ABCC5: variants seen among roughly 807,000 people sequenced by gnomAD.
ABCC5 encodes ATP binding cassette subfamily C member 5.
Under a neutral mutation model 160.9 loss-of-function variants are expected in ABCC5, and 61 were observed. The ratio of observed to expected loss-of-function variants is 0.38; its 90% CI spans 0.31 to 0.47. The LOEUF (loss-of-function observed/expected upper bound fraction) is 0.47, where lower values mean the gene tolerates loss of function less well. ABCC5 is among the 20% of genes least tolerant of loss of function. ABCC5 has a pLI of 0.99. For synonymous variants in ABCC5, 666 were observed against 700.6 expected (o/e 0.95, Z 0.78); for missense variants, 1,308 against 1,813.3 (o/e 0.72, Z 5.06).
At position 183,988,094 on chromosome 3, in the gene ABCC5, A is replaced by G. The variant is rs1719393815; in HGVS notation, c.444-177T>C. 6.6e-6 allele frequency among the ~76,000 whole-genome samples: 1 copy of G among 152,124 alleles called. No individual in the cohort carries two copies. The highest frequency in any genetic ancestry group is 2.4e-5 in the African/African-American group (1 of 41,404). ...AAAAATACCCTTCCTAGGGAACTAC[A>G]CATTTACCCTGTATAAGGAGCCTCC... is the stretch of plus-strand genomic sequence containing the variant. On this transcript the variant is annotated intron_variant, in intron 4 of 29. Coordinates refer to ENST00000334444, the MANE Select transcript of ABCC5 (RefSeq NM_005688.4). The surrounding 1 kb of genome is among the most constrained non-coding windows in gnomAD (Gnocchi z 4.4).
intron 8 of ABCC5, among the ~76,000 whole-genome samples, chr3:183,980,713 TG>T (rs1254744722): frequency 3.0e-5 from 4 of 131,772 alleles, no homozygotes; most frequent in Admixed American, 7.4e-5. Flanking sequence ...AACACTGTTT[TG>T]TTTTTTTTTT....
rs755140186 is a variant in ABCC5 at position 183,971,826 on chromosome 3, C to T, written c.1498G>A (p.Asp500Asn). ...TTCTGGATACTGGAGTGGGAGGAGTCCCATGCCAAGGTGGCATTTTTCATC... is the reference window on the plus strand; with the variant it reads ...TTCTGGATACTGGAGTGGGAGGAGTTCCATGCCAAGGTGGCATTTTTCATC... The part of the protein sequence containing the change: ...IEMKNATLAW[D>N]SSHSSIQNSP... Residue 500 changes from aspartate to asparagine, a missense_variant, in exon 11 of 30, where the codon GAC becomes AAC. Around this residue, in one of 3 missense-constraint regions of ABCC5, gnomAD observed 1,142 missense variants for 1,527.1 expected, o/e 0.75. Coordinates refer to ENST00000334444, the MANE Select transcript of ABCC5 (RefSeq NM_005688.4). 12 of 1,614,104 alleles carry T rather than the reference C, an allele frequency of 7.4e-6. No individual in the cohort carries two copies. Among genetic ancestry groups the T allele is most frequent in the Non-Finnish European group, 2.5e-6 (3 of 1,180,024 alleles).
chr3:183,923,420 C>T (rs1262094294), intron 29 of ABCC5, among the ~76,000 whole-genome samples: 9 of 152,012 alleles, frequency 5.9e-5, no homozygotes, highest in Non-Finnish European at 1.2e-4. Context: ...GTCAGAAGTT[C>T]GAGACCAGCC....
chr3:184,007,016 C>CTTTTTTTTT (rs376229755), intron 2 of ABCC5, among the ~76,000 whole-genome samples: 6 of 81,138 alleles, frequency 7.4e-5, no homozygotes, highest in Non-Finnish European at 8.8e-5. Flanking sequence ...TTTACTTCTG[C>CTTTTTTTTT]TTTTTTTTTT....
chr3:183,946,730 C>T (rs1177710821), intron 23 of ABCC5, among the ~76,000 whole-genome samples: 2 of 152,034 alleles, frequency 1.3e-5, no homozygotes, highest in African/African-American at 4.8e-5. Flanking sequence ...CAGCTTGTAC[C>T]TCTCTAAAAT....
chr3:184,013,983 G>A (rs1165016338), intron 2 of ABCC5, among the ~76,000 whole-genome samples: 1 of 151,988 alleles, frequency 6.6e-6, no homozygotes, highest in Non-Finnish European at 1.5e-5. Flanking sequence ...AGCGATTCTC[G>A]TGCCTCAGCC....
rs1233269112 is a variant in ABCC5, at chr3:183,922,360, CG to C, written c.4213-960del. On this transcript the variant is annotated intron_variant, in intron 29 of 29. Transcript: ENST00000334444. ...GCACTCCCAGCCTGGGCAACAAGAG[CG>C]AAACTCCGTCTCAAAAAAATAAATA... 4.0e-5 allele frequency among the ~76,000 whole-genome samples: 5 copies of C among 124,124 alleles called. No homozygotes were observed. The South Asian group carries it at 1.3e-3, about 33-fold the overall frequency. The allele number at this position is 124,124 out of a possible 152,430, so 81.4% of individuals were successfully genotyped here.
At chr3:183,929,913 C>T (rs116234897) in intron 26 of ABCC5, among the ~76,000 whole-genome samples, 5,655 of 152,152 alleles carry the variant, frequency 0.037, 346 homozygotes, top group African/African-American at 0.13. Flanking sequence ...CCACTGTGCC[C>T]GGCCAGGACT....
intron 2 of ABCC5, among the ~76,000 whole-genome samples, chr3:184,003,103 C>T (rs143002271): frequency 1.6e-3 from 244 of 152,240 alleles, no homozygotes; most frequent in African/African-American, 5.7e-3. Context: ...ACCATTTCTA[C>T]AGATGTCCCA....
intron 25 of ABCC5, among the ~76,000 whole-genome samples, chr3:183,938,508 A>G (rs569250466): frequency 2.0e-5 from 3 of 152,274 alleles, no homozygotes; most frequent in African/African-American, 7.2e-5. Context: ...CATATTGGCC[A>G]GGTTGGTCTC....
intron 5 of ABCC5, chr3:183,985,598 C>T: frequency 3.1e-6 from 2 of 637,074 alleles, no homozygotes; most frequent in South Asian, 3.1e-5. Context: ...TGCAGATCTA[C>T]AGTGCGATGC....
chr3:183,994,673 C>T (rs1720102680), intron 2 of ABCC5, among the ~76,000 whole-genome samples: 1 of 152,040 alleles, frequency 6.6e-6, no homozygotes, highest in African/African-American at 2.4e-5. Flanking sequence ...CGCACCTGGC[C>T]AGTATTGGCA....
intron 17 of ABCC5, among the ~76,000 whole-genome samples, chr3:183,955,783 C>G (rs1715838329): frequency 7.0e-6 from 1 of 142,824 alleles, no homozygotes; most frequent in South Asian, 2.2e-4. Context: ...TATATTACAT[C>G]TGTTACATGC....
intron 2 of ABCC5, among the ~76,000 whole-genome samples, chr3:183,990,653 T>C (rs981165365): frequency 4.6e-5 from 7 of 152,138 alleles, no homozygotes; most frequent in African/African-American, 7.2e-5. Context: ...TGAGTTCTTA[T>C]CCTGGCTGCA....
In ABCC5 at chr3:183,981,631, T is replaced by C. The variant is rs182131967; in HGVS notation, c.1147+96A>G. ...CTACGATACTAGACACTAGTCCTAG[T>C]ACGTAATGTGCTCAGAAAGCAAAGT... On this transcript the variant is annotated intron_variant, in intron 8 of 29. Transcript: ENST00000334444. 7.1e-5 allele frequency: 94 copies of C among 1,319,742 alleles called. No individual in the cohort carries two copies. In the African/African-American group the frequency reaches 1.3e-3, roughly 18 times the overall value. 81.8% of individuals were successfully genotyped at this position (1,319,742 alleles called of 1,614,324 possible). A position where few individuals can be genotyped will look rare whatever the true frequency, so the allele number is the denominator to read the frequency against.
intron 2 of ABCC5, among the ~76,000 whole-genome samples, chr3:184,001,692 T>C (rs1048260844): frequency 2.0e-5 from 3 of 152,240 alleles, no homozygotes; most frequent in Non-Finnish European, 2.9e-5. Flanking sequence ...TAACCCTAGA[T>C]AGCTGAAGAG....
rs1298871336 is a variant in ABCC5 at position 183,963,797 on chromosome 3, A to C, written c.2032-209T>G. On this transcript the variant is annotated intron_variant, in intron 14 of 29. Transcript: ENST00000334444. The surrounding 1 kb of genome is among the most constrained non-coding windows in gnomAD (Gnocchi z 4.6). ...AGTTGGCCCAGATGCCTCTTCCTCT[A>C]CCACTGCCATCTGGGTACCGATCAA... 6.6e-6 allele frequency among the ~76,000 whole-genome samples: 1 copy of C among 152,138 alleles called. No individual in the cohort carries two copies. Among genetic ancestry groups the C allele is most frequent in the Non-Finnish European group, 1.5e-5 (1 of 68,024 alleles).
rs745883431 is a variant in ABCC5, at chr3:183,949,736, C to T, written c.3227+17G>A. 1.5e-5 allele frequency: 24 copies of T among 1,613,522 alleles called. No individual in the cohort carries two copies. The highest frequency in any genetic ancestry group is 1.7e-5 in the Non-Finnish European group (20 of 1,179,814). On this transcript the variant is annotated intron_variant, in intron 22 of 29. Transcript: ENST00000334444. The surrounding 1 kb of genome is among the most constrained non-coding windows in gnomAD (Gnocchi z 4.2). ...GCTGACTCCCCTTTGAGGCCTCTAG[C>T]CCCCATCAGGACAAACCTGTGCAGA...
chr3:183,962,308 G>A (rs1039698499), intron 15 of ABCC5, among the ~76,000 whole-genome samples: 34 of 151,950 alleles, frequency 2.2e-4, no homozygotes, highest in African/African-American at 7.7e-4. Flanking sequence ...AAAACAGAAT[G>A]GTTGTGTGGA....
Sources: allele counts gnomAD v4.1 joint callset (sites outside exome capture counted in the v4.1 genomes callset), GRCh38; gene constraint gnomAD v4.1.1; regional missense constraint gnomAD v4.1.1; non-coding constraint Gnocchi (gnomAD v3.1); transcripts MANE v1.5; gene names NCBI Gene and HGNC (gene_info 2026-07-23, HGNC 2026-07-21).